The following DOCK8 variants were observed in gnomAD, a reference collection of about 807,000 sequenced individuals.
The protein encoded by DOCK8 is dedicator of cytokinesis 8, also known as dedicator of cytokinesis protein 8.
Under a neutral mutation model 245.6 loss-of-function variants are expected in DOCK8, and 141 were observed. The ratio of observed to expected loss-of-function variants is 0.57; its 90% CI spans 0.50 to 0.66. DOCK8 has a LOEUF of 0.66. DOCK8 is among the 30% of genes least tolerant of loss of function. The probability of loss-of-function intolerance (pLI) is 0.00; values close to 1 mark genes in which losing one functional copy is unlikely to be tolerated. For synonymous variants in DOCK8, 1,168 were observed against 970.2 expected (o/e 1.20, Z -3.79); for missense variants, 2,965 against 2,603.4 (o/e 1.14, Z -3.02).
intron 24 of DOCK8, among the ~76,000 whole-genome samples, chr9:395,025 T>C (rs1571485): frequency 0.064 from 9,816 of 152,260 alleles, 401 homozygotes; most frequent in African/African-American, 0.11. Flanking sequence ...AGAATCAGGA[T>C]TGGCATTGCC....
At chr9:263,400 A>G (rs758725157) in intron 1 of DOCK8, among the ~76,000 whole-genome samples, 3 of 152,188 alleles carry the variant, frequency 2.0e-5, no homozygotes, top group African/African-American at 7.2e-5. Flanking sequence ...TTTAAAACAC[A>G]TGAAATCCGT....
chr9:439,142 A>G, intron 39 of DOCK8, 103 bp from the exon 40 acceptor site: 2 of 1,445,390 alleles, frequency 1.4e-6, no homozygotes, highest in Non-Finnish European at 1.9e-6. Flanking sequence ...GGTCTTGGTA[A>G]GGATCTGCAC....
chr9:282,289 C>T (rs1171664174), intron 2 of DOCK8, among the ~76,000 whole-genome samples: 2 of 152,064 alleles, frequency 1.3e-5, no homozygotes, highest in Non-Finnish European at 2.9e-5. Context: ...GTGAGGAAGT[C>T]AGCCATCATT....
chr9:308,057 G>A (rs1371226251), intron 5 of DOCK8, among the ~76,000 whole-genome samples: 3 of 152,174 alleles, frequency 2.0e-5, no homozygotes, highest in African/African-American at 7.2e-5. Context: ...TGGGAAGGAT[G>A]GATGGAGAAG....
intron 26 of DOCK8, among the ~76,000 whole-genome samples, chr9:401,367 T>C (rs982606916): frequency 1.3e-5 from 2 of 152,014 alleles, no homozygotes; most frequent in East Asian, 3.9e-4. Context: ...GAGGGGACCA[T>C]CCAGAGGAGC....
At chr9:445,097 C>T (rs113242127) in intron 43 of DOCK8, among the ~76,000 whole-genome samples, 31 of 152,352 alleles carry the variant, frequency 2.0e-4, no homozygotes, top group African/African-American at 7.2e-4. Flanking sequence ...TCCCTAGCCT[C>T]GGCTTGAAAG....
At chr9:355,746 C>G (rs1343085029) in intron 14 of DOCK8, among the ~76,000 whole-genome samples, 1 of 152,126 alleles carries the variant, frequency 6.6e-6, no homozygotes, top group Non-Finnish European at 1.5e-5. Context: ...ATTCATTTCT[C>G]CTCTTGCACA....
At chr9:374,381 T>G (rs2053428095) in intron 18 of DOCK8, among the ~76,000 whole-genome samples, 1 of 152,006 alleles carries the variant, frequency 6.6e-6, no homozygotes, top group South Asian at 2.1e-4. Flanking sequence ...TTTTTTACAT[T>G]GATTACATAT....
chr9:376,353 G>C (rs546714765), intron 19 of DOCK8, 48 bp downstream of exon 19: 6 of 1,273,276 alleles, frequency 4.7e-6, no homozygotes, highest in Non-Finnish European at 6.9e-6. Flanking sequence ...CAGCGGAGGA[G>C]CCTTTGAAGG....
intron 26 of DOCK8, among the ~76,000 whole-genome samples, chr9:399,460 A>T (rs1231521896): frequency 6.6e-6 from 1 of 152,028 alleles, no homozygotes; most frequent in Non-Finnish European, 1.5e-5. Flanking sequence ...TTCCTGGAGC[A>T]TTTACCGACA....
At chr9:403,913 TATA>T (rs2055250086) in intron 26 of DOCK8, among the ~76,000 whole-genome samples, 5 of 84,370 alleles carry the variant, frequency 5.9e-5, no homozygotes, top group African/African-American at 3.1e-4. Flanking sequence ...TATATATATA[TATA>T]CATATATATA....
At chr9:300,325 T>G (rs1482102019) in intron 4 of DOCK8, among the ~76,000 whole-genome samples, 1 of 152,186 alleles carries the variant, frequency 6.6e-6, no homozygotes, top group Non-Finnish European at 1.5e-5. Flanking sequence ...ACTTTATCTA[T>G]CTGGCATTTG....
intron 32 of DOCK8, 39 bp from the exon 33 acceptor site, chr9:422,009 T>C (rs1055587513): frequency 6.5e-6 from 10 of 1,541,496 alleles, no homozygotes; most frequent in Non-Finnish European, 9.0e-6. Context: ...GAGGGTTTCA[T>C]GCTAATCAAA....
At chr9:283,043 CACTT>C (rs1249052597) in intron 2 of DOCK8, among the ~76,000 whole-genome samples, 2 of 152,278 alleles carry the variant, frequency 1.3e-5, no homozygotes, top group South Asian at 2.1e-4. Flanking sequence ...CTTCCAAACA[CACTT>C]AATATTGCCT....
chr9:458,674 G>A (rs1455573713), intron 46 of DOCK8, among the ~76,000 whole-genome samples: 7 of 152,086 alleles, frequency 4.6e-5, no homozygotes, highest in Non-Finnish European at 7.4e-5. Context: ...TTAACCGGGT[G>A]TAGTGGCGTG....
intron 4 of DOCK8, among the ~76,000 whole-genome samples, chr9:291,084 G>T (rs1390252416): frequency 6.6e-6 from 1 of 152,124 alleles, no homozygotes; most frequent in African/African-American, 2.4e-5. Flanking sequence ...AGAACAAGTT[G>T]TTCTCAAGTT....
upstream of DOCK8, chr9:214,808 T>TC: frequency 6.3e-7 from 1 of 1,587,698 alleles, no homozygotes; most frequent in Non-Finnish European, 8.6e-7. Context: ...GCTCGGACCC[T>TC]CCCCCGGGGT....
chr9:328,316 C>A, intron 9 of DOCK8, 145 bp downstream of exon 9: 2 of 1,149,984 alleles, frequency 1.7e-6, no homozygotes, highest in Non-Finnish European at 2.5e-6. Context: ...TACCCCTTTT[C>A]CGTTCTAAGT....
At chr9:223,853 G>T (rs1042830911) in intron 1 of DOCK8, among the ~76,000 whole-genome samples, 2 of 151,928 alleles carry the variant, frequency 1.3e-5, no homozygotes, top group Non-Finnish European at 2.9e-5. Context: ...TCTCCCTGCT[G>T]CTCCCTGAGA....
Sources: gnomAD v4.1 joint callset for allele counts (sites outside exome capture counted in the v4.1 genomes callset) on GRCh38, gnomAD v4.1.1 for gene constraint, MANE v1.5 for transcripts, NCBI Gene and HGNC (gene_info 2026-07-23, HGNC 2026-07-21) for gene names.